INTS1: variants seen among roughly 807,000 people sequenced by gnomAD.
INTS1 encodes the protein integrator complex subunit 1.
A neutral mutation model predicts 241.6 loss-of-function variants in INTS1; 137 were observed. That is an observed-to-expected ratio of 0.57 (90% CI 0.49 to 0.65). The LOEUF (loss-of-function observed/expected upper bound fraction) is 0.65. Ranked by LOEUF, INTS1 falls within the 30% of genes least tolerant of loss-of-function variation. The pLI is 0.00. For missense variants in INTS1, 3,073 were observed against 3,032.2 expected, an observed-to-expected ratio of 1.01 and a Z score of -0.32; for synonymous variants, 1,692 against 1,337.8, an observed-to-expected ratio of 1.26 and a Z score of -5.78.
chr7:1,490,032 T>C (rs1307830781), intron 16 of INTS1, among the ~76,000 whole-genome samples: 2 of 151,644 alleles, frequency 1.3e-5, no homozygotes, highest in African/African-American at 4.9e-5. Context: ...ATTGTAACGA[T>C]ACAATTAAAT....
chr7:1,492,726 C>T (rs1163600163), intron 16 of INTS1, among the ~76,000 whole-genome samples: 27 of 152,208 alleles, frequency 1.8e-4, no homozygotes, highest in Admixed American at 1.8e-3. Flanking sequence ...CACTCAAACC[C>T]AGGTAACGGT....
At chr7:1,477,400 C>G (rs1781773099) in intron 35 of INTS1, 150 bp downstream of exon 35, 1 of 903,782 alleles carries the variant, frequency 1.1e-6, no homozygotes, top group Admixed American at 3.1e-5. Context: ...CCTACCCTTC[C>G]TCTGGGTTGC....
chr7:1,479,763 G>A lies in INTS1; in HGVS notation c.4075-79C>T. On this transcript the variant is annotated intron_variant, in intron 30 of 47. Transcript: ENST00000404767. ...GCAGCGGAGAGGCTAAGCGCCCGGT[G>A]CAGCTCCGTGCCAGAACCGCGTCCC... 5.1e-6 allele frequency: 7 copies of A among 1,377,084 alleles called. No homozygotes were observed. The Middle Eastern group carries it at 7.7e-4, about 151-fold the overall frequency. 85.3% of individuals were successfully genotyped at this position (1,377,084 alleles called of 1,614,324 possible).
At chr7:1,498,303 C>A in intron 10 of INTS1, 109 bp downstream of exon 10, 1 of 1,492,432 alleles carries the variant, frequency 6.7e-7, no homozygotes, top group Non-Finnish European at 9.0e-7. Context: ...GAGGAGCATT[C>A]TCCCACGAAG....
intron 24 of INTS1, 107 bp from the exon 25 acceptor site, chr7:1,484,277 C>T (rs1457276815): frequency 1.7e-5 from 20 of 1,184,650 alleles, no homozygotes; most frequent in Non-Finnish European, 2.2e-5. Context: ...TTAAGCAGGG[C>T]CCGCGGCACC....
chr7:1,480,248 G>A, intron 30 of INTS1, 69 bp downstream of exon 30: 3 of 1,509,998 alleles, frequency 2.0e-6, no homozygotes, highest in South Asian at 1.3e-5. Context: ...GTGCGTGCGA[G>A]GCGGCAGCGA....
chr7:1,485,716 G>A (rs1042729003), intron 22 of INTS1, among the ~76,000 whole-genome samples: 6 of 152,250 alleles, frequency 3.9e-5, no homozygotes, highest in South Asian at 2.1e-4. Flanking sequence ...CCAGGCAGGC[G>A]GCAGGGTCCA....
At chr7:1,499,840 C>G (rs187196462) in intron 5 of INTS1, 44 bp downstream of exon 5, 2 of 1,590,046 alleles carry the variant, frequency 1.3e-6, no homozygotes, top group East Asian at 4.5e-5. Flanking sequence ...TGCCCCACCC[C>G]GTGGCGCTCT....
intron 40 of INTS1, 63 bp from the exon 41 acceptor site, chr7:1,474,423 G>A: frequency 6.7e-7 from 1 of 1,486,274 alleles, no homozygotes; most frequent in Non-Finnish European, 9.0e-7. Context: ...CACGTCCCCA[G>A]GAAGGCCCCA....
Position 1,470,640 on chromosome 7 carries a change from C to T in INTS1, c.6510G>A (p.Gln2170=), listed in dbSNP as rs753995520. 1 of 1,587,822 alleles carries T rather than the reference C, an allele frequency of 6.3e-7. No homozygotes were observed. The highest frequency in any genetic ancestry group is 1.7e-5 in the Admixed American group (1 of 57,294). The change falls in exon 48 of 48, where the codon CAG becomes CAA. Residue 2170 remains glutamine (Q), a synonymous_variant. Transcript: ENST00000404767. ...CGGAGATCTGCGCGCTGGGGTCCATCTGGCCGTACATGCCCACCAGGAAGG... is the reference window on the plus strand; with the variant it reads ...CGGAGATCTGCGCGCTGGGGTCCATTTGGCCGTACATGCCCACCAGGAAGG... ...HRAFLVGMYG[Q]MDPSAQISEA...
intron 46 of INTS1, 55 bp from the exon 47 acceptor site, chr7:1,471,010 C>T: frequency 2.0e-6 from 3 of 1,520,340 alleles, no homozygotes; most frequent in East Asian, 2.5e-5. Context: ...ACGCCAGACC[C>T]CCACCCGACA....
chr7:1,472,126 C>A (rs1781497740), intron 44 of INTS1, 147 bp downstream of exon 44: 2 of 649,424 alleles, frequency 3.1e-6, no homozygotes, highest in Non-Finnish European at 5.5e-6. Flanking sequence ...GGGTGCTCCC[C>A]ACTGTGAGGA....
intron 12 of INTS1, among the ~76,000 whole-genome samples, chr7:1,495,819 C>A (rs1427230847): frequency 6.6e-6 from 1 of 152,170 alleles, no homozygotes; most frequent in Non-Finnish European, 1.5e-5. Context: ...TTCCTGTGAA[C>A]CCATAATCAA....
At chr7:1,472,443 A>T in intron 43 of INTS1, 57 bp from the exon 44 acceptor site, 1 of 1,263,000 alleles carries the variant, frequency 7.9e-7, no homozygotes, top group Non-Finnish European at 1.1e-6. Context: ...TGCCACACTG[A>T]GGCACCAGGA....
rs372678198 is a variant in INTS1 at position 1,476,612 on chromosome 7, A to G, written c.5109T>C (p.His1703=). ...CCCGCCCCTGCCAGATGCGAGGAACATGGATGCAGGCCCAGAGGAAGTCCA... is the reference window on the plus strand; with the variant it reads ...CCCGCCCCTGCCAGATGCGAGGAACGTGGATGCAGGCCCAGAGGAAGTCCA... ...ASLDFLWACI[H]VPRIWQGRDQ... is the part of the protein sequence containing the mutation. Residue 1703 remains histidine, a synonymous_variant, in exon 37 of 48, where the codon CAT becomes CAC. Coordinates refer to ENST00000404767, the MANE Select transcript of INTS1 (RefSeq NM_001080453.3). The G allele has an allele frequency of 6.4e-5, 103 of 1,612,160 alleles. No homozygotes were observed. Among genetic ancestry groups the G allele is most frequent in the Non-Finnish European group, 8.0e-5 (94 of 1,179,750 alleles).
At chr7:1,485,503 C>A in intron 22 of INTS1, 34 bp from the exon 23 acceptor site, 1 of 1,602,338 alleles carries the variant, frequency 6.2e-7, no homozygotes, top group Non-Finnish European at 8.5e-7. Context: ...GGCCGGCTTT[C>A]GGCAGTGCAG....
chr7:1,478,665 ACT>A, intron 32 of INTS1, 59 bp downstream of exon 32: 23 of 1,495,656 alleles, frequency 1.5e-5, no homozygotes, highest in Non-Finnish European at 2.1e-5. Flanking sequence ...CAGCTTGGCC[ACT>A]CTGAGTGAGC....
Position 1,498,451 on chromosome 7 carries a change from G to C in INTS1, c.1386C>G (p.Leu462=), listed in dbSNP as rs780049596. 1.2e-6 allele frequency: 2 copies of C among 1,613,926 alleles called. No individual in the cohort carries two copies. Among genetic ancestry groups the C allele is most frequent in the Non-Finnish European group, 1.7e-6 (2 of 1,179,880 alleles). Residue 462 remains leucine (L), a synonymous_variant, in exon 10 of 48, where the codon CTC becomes CTG. Transcript: ENST00000404767. The stretch of plus-strand genomic sequence containing the variant: ...CTGAGCTGTGCTGCAGTGCGGTATA[G>C]AGGACCTGCATGTTGTTCGGGTTCC... ...SARNPNNMQV[L]YTALQHSSEL...
At chr7:1,484,306 G>A (rs866589810) in intron 24 of INTS1, 136 bp from the exon 25 acceptor site, 20 of 920,048 alleles carry the variant, frequency 2.2e-5, no homozygotes, top group Middle Eastern at 6.5e-4. Context: ...TCACTCAGCC[G>A]CAGGCCGCCA....
Sources: allele counts gnomAD v4.1 joint callset (sites outside exome capture counted in the v4.1 genomes callset), GRCh38; gene constraint gnomAD v4.1.1; transcripts MANE v1.5; gene names NCBI Gene and HGNC (gene_info 2026-07-23, HGNC 2026-07-21).